EPHA6: variants seen among roughly 807,000 people sequenced by gnomAD.
The protein encoded by EPHA6 is ephrin type-A receptor 6.
EPHA6 carries 50 observed loss-of-function variants against 112.0 expected under a neutral mutation model. The observed-to-expected ratio is 0.45, with a 90% CI of 0.36 to 0.56. The LOEUF (loss-of-function observed/expected upper bound fraction) is 0.56, where lower values mean the gene tolerates loss of function less well. EPHA6 is among the 20% of genes least tolerant of loss of function. The probability of loss-of-function intolerance (pLI) is 0.00; values close to 1 mark genes in which losing one functional copy is unlikely to be tolerated. For synonymous variants in EPHA6, 529 were observed against 490.7 expected (o/e 1.08, Z -1.03); for missense variants, 1,280 against 1,417.4 (o/e 0.90, Z 1.56).
chr3:97,565,597 A>T (rs1261834758), intron 11 of EPHA6, among the ~76,000 whole-genome samples: 5 of 152,202 alleles, frequency 3.3e-5, no homozygotes, highest in Non-Finnish European at 7.4e-5. Flanking sequence ...CCACTGAAAG[A>T]CCTCACAAAG....
intron 1 of EPHA6, among the ~76,000 whole-genome samples, chr3:96,820,558 T>G (rs775195604): frequency 6.6e-6 from 1 of 152,128 alleles, no homozygotes; most frequent in Non-Finnish European, 1.5e-5. Context: ...TTTTCATTAT[T>G]CTTCATTGAA....
intron 4 of EPHA6, among the ~76,000 whole-genome samples, chr3:97,242,131 A>G (rs56294603): frequency 0.022 from 3,330 of 151,742 alleles, 124 homozygotes; most frequent in African/African-American, 0.07. Flanking sequence ...TTTAGAAAAA[A>G]TGATTCATTG....
intron 1 of EPHA6, among the ~76,000 whole-genome samples, chr3:96,851,942 G>A (rs529953145): frequency 1.3e-5 from 2 of 152,174 alleles, no homozygotes; most frequent in African/African-American, 4.8e-5. Flanking sequence ...AGGTAATACT[G>A]GAGAAATATC....
intron 2 of EPHA6, among the ~76,000 whole-genome samples, chr3:96,893,380 CA>C (rs2038088338): frequency 6.6e-6 from 1 of 152,112 alleles, no homozygotes; most frequent in South Asian, 2.1e-4. Context: ...TTGATTACAT[CA>C]TTTTATCTTG....
intron 3 of EPHA6, among the ~76,000 whole-genome samples, chr3:97,069,841 C>T (rs1187928701): frequency 2.0e-5 from 3 of 151,934 alleles, no homozygotes. Flanking sequence ...TATTATAATT[C>T]AACATGTGAT....
intron 5 of EPHA6, among the ~76,000 whole-genome samples, chr3:97,326,717 A>C (rs1299875572): frequency 6.6e-6 from 1 of 152,074 alleles, no homozygotes; most frequent in Non-Finnish European, 1.5e-5. Context: ...GAAACAGTAA[A>C]AACCTTCCCC....
chr3:97,254,228 G>A (rs968672024), intron 5 of EPHA6, among the ~76,000 whole-genome samples: 16 of 151,772 alleles, frequency 1.1e-4, no homozygotes, highest in Admixed American at 4.6e-4. Flanking sequence ...TTGCCCTGTC[G>A]CCCAGGCTGG....
At chr3:97,389,943 A>T (rs1441697491) in intron 5 of EPHA6, among the ~76,000 whole-genome samples, 1 of 152,306 alleles carries the variant, frequency 6.6e-6, no homozygotes, top group African/African-American at 2.4e-5. Context: ...ATGAGAAAAC[A>T]CAAACTTCTT....
At position 97,619,436 on chromosome 3, in the gene EPHA6, G is replaced by T. The variant is rs531819486; in HGVS notation, c.2574+8582G>T. Among the ~76,000 whole-genome samples the T allele has an allele frequency of 7.7e-5, 9 of 117,412 alleles. No individual in the cohort carries two copies. In the South Asian group the frequency reaches 9.0e-4, roughly 12 times the overall value. 77.0% of individuals were successfully genotyped at this position (117,412 alleles called of 152,430 possible). ...AGAGCAATCAGACAATAGAAAAAGG[G>T]GGGGGGGGGCATCCAAATAGGAAGA... is the stretch of plus-strand genomic sequence containing the variant. On this transcript the variant is annotated intron_variant, in intron 13 of 17. Coordinates refer to ENST00000389672, the MANE Select transcript of EPHA6 (RefSeq NM_001080448.3).
At chr3:97,428,876 G>C (rs1312397474) in intron 6 of EPHA6, among the ~76,000 whole-genome samples, 1 of 152,074 alleles carries the variant, frequency 6.6e-6, no homozygotes, top group East Asian at 1.9e-4. Flanking sequence ...ACTTTCTCAG[G>C]CTTGCAGTGC....
chr3:97,112,344 C>T (rs941357406), intron 3 of EPHA6, among the ~76,000 whole-genome samples: 4 of 152,120 alleles, frequency 2.6e-5, no homozygotes, highest in Admixed American at 2.6e-4. Context: ...CTGTGATACT[C>T]TGAGTAAATC....
intron 4 of EPHA6, among the ~76,000 whole-genome samples, chr3:97,240,724 T>C (rs1358268251): frequency 6.6e-6 from 1 of 151,862 alleles, no homozygotes; most frequent in Non-Finnish European, 1.5e-5. Context: ...TTCTGCAGAA[T>C]GCTAGTATTC....
intron 3 of EPHA6, among the ~76,000 whole-genome samples, chr3:97,052,879 CCTACCTCCAT>C (rs767541288): frequency 2.0e-5 from 3 of 151,998 alleles, no homozygotes; most frequent in Non-Finnish European, 4.4e-5. Context: ...TCAGGGGAGG[CCTACCTCCAT>C]CTAACTAAAT....
At chr3:96,876,917 C>T (rs895538006) in intron 2 of EPHA6, among the ~76,000 whole-genome samples, 3 of 152,024 alleles carry the variant, frequency 2.0e-5, no homozygotes, top group African/African-American at 7.2e-5. Context: ...AAACTCAGTG[C>T]ATATCATAGC....
intron 3 of EPHA6, among the ~76,000 whole-genome samples, chr3:97,174,626 A>G (rs1217529039): frequency 6.6e-6 from 1 of 151,798 alleles, no homozygotes; most frequent in African/African-American, 2.4e-5. Context: ...AGTAGTTTTT[A>G]TTTGCATTTC....
At chr3:97,645,446 A>G (rs2094050984) in intron 14 of EPHA6, among the ~76,000 whole-genome samples, 1 of 141,522 alleles carries the variant, frequency 7.1e-6, no homozygotes, top group African/African-American at 2.6e-5. Context: ...ATTCTCACTC[A>G]TAGGTGGGAA....
intron 5 of EPHA6, among the ~76,000 whole-genome samples, chr3:97,255,939 T>G (rs2079295609): frequency 1.3e-5 from 2 of 152,110 alleles, no homozygotes; most frequent in African/African-American, 4.8e-5. Context: ...AAAAATACAC[T>G]TAATATAATT....
chr3:97,296,071 C>T (rs1173622944), intron 5 of EPHA6, among the ~76,000 whole-genome samples: 9 of 152,168 alleles, frequency 5.9e-5, no homozygotes, highest in Admixed American at 5.9e-4. Flanking sequence ...GTCCTAGGTC[C>T]TCTAGACAGT....
intron 14 of EPHA6, among the ~76,000 whole-genome samples, chr3:97,640,989 AT>A (rs1428811919): frequency 6.6e-6 from 1 of 152,160 alleles, no homozygotes; most frequent in Non-Finnish European, 1.5e-5. Flanking sequence ...GTTCATTATG[AT>A]TCAATAATTA....
Sources: allele counts gnomAD v4.1 joint callset (sites outside exome capture counted in the v4.1 genomes callset), GRCh38; gene constraint gnomAD v4.1.1; transcripts MANE v1.5; gene names NCBI Gene and HGNC (gene_info 2026-07-23, HGNC 2026-07-21).